The following EIF2AK1 variants were observed in gnomAD, a reference collection of about 807,000 sequenced individuals.
The protein encoded by EIF2AK1 is eukaryotic translation initiation factor 2-alpha kinase 1.
EIF2AK1 carries 54 observed loss-of-function variants against 77.9 expected under a neutral mutation model. The observed-to-expected ratio is 0.69, with a 90% CI of 0.56 to 0.87. The LOEUF (loss-of-function observed/expected upper bound fraction) is 0.87. EIF2AK1 is among the 40% of genes least tolerant of loss of function. EIF2AK1 has a pLI of 0.00. For missense variants in EIF2AK1, 810 were observed against 768.6 expected, an observed-to-expected ratio of 1.05 and a Z score of -0.64; for synonymous variants, 314 against 290.5, an observed-to-expected ratio of 1.08 and a Z score of -0.82.
At chr7:6,043,492 G>A (rs1000692305) in intron 7 of EIF2AK1, among the ~76,000 whole-genome samples, 2 of 151,932 alleles carry the variant, frequency 1.3e-5, no homozygotes, top group South Asian at 2.1e-4. Context: ...GCATTGGCAC[G>A]ATCTTGGCTC....
chr7:6,052,925 T>C (rs1328415595), intron 2 of EIF2AK1, among the ~76,000 whole-genome samples: 1 of 151,862 alleles, frequency 6.6e-6, no homozygotes, highest in East Asian at 1.9e-4. Flanking sequence ...ATCGCGCCAA[T>C]GCACTCCAGC....
chr7:6,031,768 T>C (rs1275489618), intron 11 of EIF2AK1, among the ~76,000 whole-genome samples: 1 of 152,108 alleles, frequency 6.6e-6, no homozygotes, highest in East Asian at 1.9e-4. Context: ...CCCCTACACA[T>C]GTCACACACA....
intron 10 of EIF2AK1, among the ~76,000 whole-genome samples, chr7:6,037,863 C>T (rs1382701626): frequency 1.3e-5 from 2 of 151,544 alleles, no homozygotes; most frequent in Admixed American, 6.6e-5. Flanking sequence ...AGTTTAAGTT[C>T]CCTTGAACCC....
At chr7:6,046,730 C>G (rs1225499634) in intron 5 of EIF2AK1, 4 of 283,022 alleles carry the variant, frequency 1.4e-5, no homozygotes, top group Admixed American at 5.1e-5. Context: ...GGTGAAACCC[C>G]GTCTCTATTA....
chr7:6,041,574 G>A (rs896433768), intron 8 of EIF2AK1, among the ~76,000 whole-genome samples: 2 of 152,014 alleles, frequency 1.3e-5, no homozygotes, highest in African/African-American at 4.8e-5. Flanking sequence ...GGGTGCAGTG[G>A]CTCATGCCTG....
At chr7:6,047,228 AAAATG>A in intron 4 of EIF2AK1, 137 bp from the exon 5 acceptor site, 1 of 936,920 alleles carries the variant, frequency 1.1e-6, no homozygotes, top group Non-Finnish European at 1.7e-6. Flanking sequence ...AGGATGGGCT[AAAATG>A]AAATTTTTCA....
Position 6,024,219 on chromosome 7 carries a change from A to G in EIF2AK1, c.*454T>C. ...GCAGCAGAAGGTTTGGAGCCAAGGA[A>G]TGAAATGATGAGGCGTCCTTCAGGT... On this transcript the variant is annotated 3_prime_UTR_variant, in exon 15 of 15. Coordinates refer to ENST00000199389, the MANE Select transcript of EIF2AK1 (RefSeq NM_014413.4). 1.6e-6 allele frequency: 2 copies of G among 1,229,220 alleles called. No individual in the cohort carries two copies. Among genetic ancestry groups the G allele is most frequent in the South Asian group, 1.4e-5 (1 of 70,336 alleles). 76.1% of individuals were successfully genotyped at this position (1,229,220 alleles called of 1,614,324 possible).
Position 6,024,683 on chromosome 7 carries a change from C to T in EIF2AK1, c.1883G>A (p.Gly628Asp). 4 of 1,613,576 alleles carry T rather than the reference C, an allele frequency of 2.5e-6. No homozygotes were observed. Among genetic ancestry groups the T allele is most frequent in the Non-Finnish European group, 2.5e-6 (3 of 1,179,880 alleles). The part of the protein sequence containing the change: ...KGVRDDGKDG[G>D]VG ...AAGTTAAGTCCACTTTCATCCCACG[C>T]CCCCATCCTTTCCGTCATCCCTCAC... Residue 628 changes from glycine (G) to aspartate (D), a missense_variant, in exon 15 of 15, where the codon GGC becomes GAC. By Grantham distance (94) the Gly-to-Asp change is moderately conservative (BLOSUM62 -1). This residue lies in a region of EIF2AK1 where 549 missense variants were observed against 533.7 expected (regional missense o/e 1.03). Coordinates refer to ENST00000199389, the MANE Select transcript of EIF2AK1 (RefSeq NM_014413.4).
intron 1 of EIF2AK1, 129 bp downstream of exon 1, chr7:6,058,837 C>G (rs927503857): frequency 1.2e-5 from 9 of 769,744 alleles, no homozygotes; most frequent in African/African-American, 1.1e-4. Flanking sequence ...GCGGCTGGGC[C>G]GCCGGTTCAA....
chr7:6,030,506 A>G (rs1199561978), intron 11 of EIF2AK1, among the ~76,000 whole-genome samples: 2 of 151,804 alleles, frequency 1.3e-5, no homozygotes, highest in Non-Finnish European at 2.9e-5. Context: ...GAAAAAACTG[A>G]TTTTTTTCTT....
intron 9 of EIF2AK1, among the ~76,000 whole-genome samples, chr7:6,039,621 CAAAA>C (rs767158374): frequency 6.1e-5 from 3 of 49,014 alleles, no homozygotes; most frequent in Admixed American, 2.8e-4. Flanking sequence ...ACTCCATCTC[CAAAA>C]AAAAAAAAAA....
rs777894287 is a variant in EIF2AK1, at chr7:6,023,495, TC to T, written c.*1177del. The T allele has an allele frequency of 6.2e-7, 1 of 1,614,202 alleles. No individual in the cohort carries two copies. Among genetic ancestry groups the T allele is most frequent in the African/African-American group, 1.3e-5 (1 of 75,062 alleles). ...AGCAGTAAAGAAAAAGCCGCTGTTT[TC>T]CGCTCCATGAACTCTGCTCTTGGGA... On this transcript the variant is annotated 3_prime_UTR_variant, in exon 15 of 15. Transcript: ENST00000199389.
At position 6,027,104 on chromosome 7, in the gene EIF2AK1, G is replaced by T. The variant is rs1195294454; in HGVS notation, c.1531-143C>A. The T allele has an allele frequency of 1.4e-6, 1 of 690,480 alleles. No individual in the cohort carries two copies. Among genetic ancestry groups the T allele is most frequent in the East Asian group, 2.7e-5 (1 of 37,182 alleles). The allele number at this position is 690,480 out of a possible 1,614,324, so 42.8% of individuals were successfully genotyped here. ...ACCCACAAGGAAGGGAACAGAGCAG[G>T]ATAGCTCATCAGTGACAGGGACTTT... On this transcript the variant is annotated intron_variant, in intron 13 of 14. Transcript: ENST00000199389. This position sits in a 1 kb window ranked among gnomAD's most constrained non-coding sequence, Gnocchi z 4.5.
At chr7:6,031,951 A>G (rs576463444) in intron 11 of EIF2AK1, among the ~76,000 whole-genome samples, 1 of 152,306 alleles carries the variant, frequency 6.6e-6, no homozygotes, top group East Asian at 1.9e-4. Context: ...AGGTGGGTGG[A>G]TCACCTGAGG....
chr7:6,029,876 G>C (rs1280581400), intron 11 of EIF2AK1, among the ~76,000 whole-genome samples: 1 of 151,894 alleles, frequency 6.6e-6, no homozygotes, highest in Non-Finnish European at 1.5e-5. Flanking sequence ...CCAGCTACTC[G>C]GGAGGCTGAG....
At chr7:6,046,965 G>A in intron 5 of EIF2AK1, 27 bp downstream of exon 5, 2 of 1,547,034 alleles carry the variant, frequency 1.3e-6, no homozygotes, top group Non-Finnish European at 1.8e-6. Flanking sequence ...TAGGGTAGTA[G>A]GTCAAAACAA....
chr7:6,035,722 A>T lies in EIF2AK1; in HGVS notation c.1332+1702T>A, dbSNP rs1473907188. On this transcript the variant is annotated intron_variant, in intron 11 of 14. Transcript: ENST00000199389. This position sits in a 1 kb window ranked among gnomAD's most constrained non-coding sequence, Gnocchi z 5.5. Reference sequence around the variant, plus strand: ...AATGGTGCCGATGTCAATGCTATTAATGAAGCCAGCATGACACCCCTTCAC... The same window carrying T: ...AATGGTGCCGATGTCAATGCTATTATTGAAGCCAGCATGACACCCCTTCAC... 1 of 1,551,012 alleles carries T rather than the reference A, an allele frequency of 6.4e-7. No individual in the cohort carries two copies. Among genetic ancestry groups the T allele is most frequent in the East Asian group, 2.4e-5 (1 of 40,928 alleles).
Position 6,024,497 on chromosome 7 carries a change from T to C in EIF2AK1, c.*176A>G. ...TATGGTTAATATTTAGGTAGGAAAT[T>C]CAGGAAAAGGAGCTTGTGGGGCAGG... On this transcript the variant is annotated 3_prime_UTR_variant, in exon 15 of 15. Transcript: ENST00000199389. 1 of 1,422,928 alleles carries C rather than the reference T, an allele frequency of 7.0e-7. No homozygotes were observed. The highest frequency in any genetic ancestry group is 9.1e-7 in the Non-Finnish European group (1 of 1,095,198). 88.1% of individuals were successfully genotyped at this position (1,422,928 alleles called of 1,614,324 possible).
intron 2 of EIF2AK1, among the ~76,000 whole-genome samples, chr7:6,050,881 G>A (rs1345643744): frequency 1.2e-4 from 18 of 152,028 alleles, no homozygotes; most frequent in Admixed American, 1.2e-3. Context: ...GGGATTACAG[G>A]CATGAGCCAC....
Sources: gnomAD v4.1 joint callset for allele counts (sites outside exome capture counted in the v4.1 genomes callset) on GRCh38, gnomAD v4.1.1 for gene constraint, gnomAD v4.1.1 regional missense constraint, Gnocchi (gnomAD v3.1) non-coding constraint, MANE v1.5 for transcripts, NCBI Gene and HGNC (gene_info 2026-07-23, HGNC 2026-07-21) for gene names.